Variants in DLG2 observed in about 807,000 individuals in gnomAD.
The protein encoded by DLG2 is disks large homolog 2.
A neutral mutation model predicts 132.5 loss-of-function variants in DLG2; 45 were observed. The observed-to-expected ratio is 0.34, with a 90% CI of 0.27 to 0.44. The LOEUF (loss-of-function observed/expected upper bound fraction) is 0.44, where lower values mean the gene tolerates loss of function less well. DLG2 is among the 20% of genes least tolerant of loss of function. The pLI is 1.00. For missense variants in DLG2, 1,045 were observed against 1,196.9 expected (o/e 0.87, Z 1.87); for synonymous variants, 424 against 419.6 (o/e 1.01, Z -0.13).
At chr11:83,561,534 T>C (rs896171788) in intron 19 of DLG2, among the ~76,000 whole-genome samples, 1 of 152,200 alleles carries the variant, frequency 6.6e-6, no homozygotes, top group Admixed American at 6.5e-5. Context: ...TTAAAGATCA[T>C]AGACTCTATT....
At chr11:84,393,427 G>A (rs1256979276) in intron 7 of DLG2, among the ~76,000 whole-genome samples, 1 of 152,008 alleles carries the variant, frequency 6.6e-6, no homozygotes, top group Non-Finnish European at 1.5e-5. Flanking sequence ...TCTAACTTTT[G>A]TAATAGTTAT....
chr11:84,949,530 G>T (rs1391957880), intron 6 of DLG2, among the ~76,000 whole-genome samples: 1 of 137,844 alleles, frequency 7.3e-6, no homozygotes. Context: ...CTGGCGGGCG[G>T]GGGGTGGGCA....
chr11:83,632,193 A>T (rs1417045165), intron 19 of DLG2: 3 of 152,336 alleles, frequency 2.0e-5, no homozygotes, highest in East Asian at 3.9e-4. Flanking sequence ...CCCTGCTGTG[A>T]ATACCAAATA....
chr11:84,160,797 A>G (rs1024630749), intron 9 of DLG2, among the ~76,000 whole-genome samples: 9 of 152,192 alleles, frequency 5.9e-5, no homozygotes, highest in African/African-American at 2.2e-4. Context: ...ATGGAATAGG[A>G]ACTTTCCTTC....
intron 6 of DLG2, among the ~76,000 whole-genome samples, chr11:84,639,825 C>A (rs2099652696): frequency 6.6e-6 from 1 of 152,142 alleles, no homozygotes. Flanking sequence ...GTACCTCCCA[C>A]TCTCAGGCTG....
chr11:83,851,470 C>CA (rs1595442602), intron 16 of DLG2, among the ~76,000 whole-genome samples: 1 of 150,186 alleles, frequency 6.7e-6, no homozygotes, highest in African/African-American at 2.5e-5. Flanking sequence ...ACTAAAAATA[C>CA]AAAAAAATTA....
rs758776805 is a variant in DLG2, at chr11:84,744,898, TAAAAAAAA to T, written c.358-210175_358-210168del. ...GATCCTGAAATTAAAAGTAAAGGTC[TAAAAAAAA>T]AAAAAAAAAAAAAGAAACCTGGACA... On this transcript the variant is annotated intron_variant, in intron 6 of 27. Coordinates refer to ENST00000376104, the MANE Select transcript of DLG2 (RefSeq NM_001142699.3). Among the ~76,000 whole-genome samples the T allele has an allele frequency of 5.8e-3, 414 of 71,820 alleles. 1 individual carries two copies. The highest frequency in any genetic ancestry group is 8.5e-3 in the Non-Finnish European group (293 of 34,326). The allele number at this position is 71,820 out of a possible 152,430, so 47.1% of individuals were successfully genotyped here.
At chr11:84,409,090 A>C (rs186888678) in intron 7 of DLG2, among the ~76,000 whole-genome samples, 2 of 152,142 alleles carry the variant, frequency 1.3e-5, no homozygotes, top group African/African-American at 4.8e-5. Context: ...CTTTCCTTGC[A>C]CATTATGTTC....
intron 9 of DLG2, among the ~76,000 whole-genome samples, chr11:84,125,958 A>C (rs1434134885): frequency 6.6e-6 from 1 of 152,218 alleles, no homozygotes; most frequent in Admixed American, 6.5e-5. Flanking sequence ...TGATTCTAAA[A>C]TCAAGTTTTT....
chr11:85,574,604 G>A (rs2078045044), intron 3 of DLG2, among the ~76,000 whole-genome samples: 1 of 152,104 alleles, frequency 6.6e-6, no homozygotes, highest in South Asian at 2.1e-4. Flanking sequence ...TTGTGTCATG[G>A]GATGAATCCC....
chr11:83,947,458 T>A (rs867924729), intron 14 of DLG2, among the ~76,000 whole-genome samples: 1 of 152,160 alleles, frequency 6.6e-6, no homozygotes, highest in African/African-American at 2.4e-5. Context: ...TAAATGTATG[T>A]TTTATTAGGC....
intron 6 of DLG2, among the ~76,000 whole-genome samples, chr11:84,883,879 G>A (rs2087779522): frequency 6.6e-6 from 1 of 152,054 alleles, no homozygotes; most frequent in Non-Finnish European, 1.5e-5. Flanking sequence ...TCACTCTGTG[G>A]AATCTGTATT....
chr11:84,427,416 G>T (rs191909494), intron 7 of DLG2, among the ~76,000 whole-genome samples: 2 of 152,062 alleles, frequency 1.3e-5, no homozygotes, highest in Non-Finnish European at 2.9e-5. Context: ...TTTGCTCAAG[G>T]TCACCCAACC....
At chr11:83,549,077 T>A (rs1432053) in intron 19 of DLG2, among the ~76,000 whole-genome samples, 1 of 151,912 alleles carries the variant, frequency 6.6e-6, no homozygotes, top group South Asian at 2.1e-4. Context: ...AGGAACAGAG[T>A]GCTTTGACTC....
intron 17 of DLG2, among the ~76,000 whole-genome samples, chr11:83,788,920 G>C (rs897425937): frequency 2.0e-5 from 3 of 152,228 alleles, no homozygotes; most frequent in South Asian, 2.1e-4. Context: ...ATGGCAATTT[G>C]TACCTGAGTT....
intron 10 of DLG2, among the ~76,000 whole-genome samples, chr11:84,096,478 C>CT (rs1157068457): frequency 6.6e-6 from 1 of 152,142 alleles, no homozygotes; most frequent in Non-Finnish European, 1.5e-5. Context: ...AGAGATATCA[C>CT]TTTTCATTCT....
chr11:84,197,770 T>C (rs2154296492), intron 8 of DLG2, among the ~76,000 whole-genome samples: 1 of 152,310 alleles, frequency 6.6e-6, no homozygotes. Flanking sequence ...ATTAAGTAAC[T>C]AGATAAACAG....
chr11:85,449,915 G>T (rs985223109), intron 3 of DLG2, among the ~76,000 whole-genome samples: 11 of 151,978 alleles, frequency 7.2e-5, no homozygotes, highest in African/African-American at 2.7e-4. Flanking sequence ...ATCACCTGAG[G>T]TCGGGAGTTC....
intron 3 of DLG2, among the ~76,000 whole-genome samples, chr11:85,460,586 A>C (rs1453235642): frequency 6.6e-6 from 1 of 152,210 alleles, no homozygotes; most frequent in Non-Finnish European, 1.5e-5. Context: ...TAGATGTTCC[A>C]GTTGAAGATA....
Sources: gnomAD v4.1 joint callset for allele counts (sites outside exome capture counted in the v4.1 genomes callset) on GRCh38, gnomAD v4.1.1 for gene constraint, MANE v1.5 for transcripts, NCBI Gene and HGNC (gene_info 2026-07-23, HGNC 2026-07-21) for gene names.